SLC1A6: variants seen among roughly 807,000 people sequenced by gnomAD.
SLC1A6 encodes excitatory amino acid transporter 4.
SLC1A6 carries 15 observed loss-of-function variants against 42.1 expected under a neutral mutation model. The observed-to-expected ratio is 0.36, with a 90% CI of 0.24 to 0.55. The LOEUF is 0.55. Ranked by LOEUF, SLC1A6 falls within the 20% of genes least tolerant of loss-of-function variation. The pLI is 0.88. For missense variants in SLC1A6, 542 were observed against 772.5 expected, an observed-to-expected ratio of 0.70 and a Z score of 3.54; for synonymous variants, 317 against 319.7, an observed-to-expected ratio of 0.99 and a Z score of 0.09.
intron 7 of SLC1A6, 26 bp from the exon 8 acceptor site, chr19:14,954,355 G>C (rs1334229635): frequency 6.3e-7 from 1 of 1,598,224 alleles, no homozygotes; most frequent in Non-Finnish European, 8.5e-7. Context: ...CAGGACTGAG[G>C]ATGGGGCGTG....
intron 6 of SLC1A6, among the ~76,000 whole-genome samples, chr19:14,957,489 C>A (rs1272164065): frequency 1.3e-5 from 2 of 152,160 alleles, no homozygotes; most frequent in Non-Finnish European, 2.9e-5. Flanking sequence ...CTCCCTCCAC[C>A]CTTCTGTCAT....
intron 1 of SLC1A6, among the ~76,000 whole-genome samples, chr19:14,975,845 CAA>C (rs2045701141): frequency 1.8e-5 from 1 of 56,310 alleles, no homozygotes; most frequent in Non-Finnish European, 3.3e-5. Context: ...GGGAAGGGGA[CAA>C]AGGGAAGGGA....
At chr19:14,953,404 T>A (rs749548162) in intron 8 of SLC1A6, among the ~76,000 whole-genome samples, 5 of 151,700 alleles carry the variant, frequency 3.3e-5, no homozygotes, top group Non-Finnish European at 7.4e-5. Context: ...CACAGGCACA[T>A]GCCACAACGC....
At chr19:14,980,754 T>C (rs1047780339), upstream of SLC1A6, among the ~76,000 whole-genome samples, 1 of 151,962 alleles carries the variant, frequency 6.6e-6, no homozygotes, top group Non-Finnish European at 1.5e-5. Flanking sequence ...AGGCAGGCTC[T>C]TTTATTAATA....
chr19:14,954,114 G>T lies in SLC1A6; in HGVS notation c.1364+21C>A, dbSNP rs754213399. 23 of 1,571,838 alleles carry T rather than the reference G, an allele frequency of 1.5e-5. No individual in the cohort carries two copies. In the East Asian group the frequency reaches 5.2e-4, roughly 35 times the overall value. On this transcript the variant is annotated intron_variant, in intron 8 of 9. Transcript: ENST00000594383. Reference sequence around the variant, plus strand: ...CCGCTTAAGTCTCACCTGCTGGCAGGTCCTACCCAAGCCCCCTCACCTGAT... The same window carrying T: ...CCGCTTAAGTCTCACCTGCTGGCAGTTCCTACCCAAGCCCCCTCACCTGAT...
At chr19:14,960,121 TGGAA>T (rs112285844) in intron 6 of SLC1A6, among the ~76,000 whole-genome samples, 21 of 150,980 alleles carry the variant, frequency 1.4e-4, no homozygotes, top group South Asian at 4.2e-4. Context: ...GAAGGAATGA[TGGAA>T]GGAAGGAAGG....
At chr19:14,993,216 T>C (rs893947501) in intron 1 of SLC1A6, among the ~76,000 whole-genome samples, 5 of 152,132 alleles carry the variant, frequency 3.3e-5, no homozygotes, top group Non-Finnish European at 5.9e-5. Flanking sequence ...TATATTTATA[T>C]AAAATACCCA....
At chr19:14,964,146 AC>A (rs1568288138) in intron 5 of SLC1A6, 172 bp downstream of exon 5, 19 of 631,394 alleles carry the variant, frequency 3.0e-5, no homozygotes, top group South Asian at 7.8e-5. Context: ...CTTCTCCCTA[AC>A]CCCCCCAGAT....
intron 1 of SLC1A6, among the ~76,000 whole-genome samples, chr19:14,995,449 A>G (rs1305723344): frequency 1.3e-5 from 2 of 151,806 alleles, no homozygotes; most frequent in African/African-American, 4.8e-5. Flanking sequence ...GGTTGAGGAG[A>G]TGTTGGTCAA....
intron 3 of SLC1A6, among the ~76,000 whole-genome samples, chr19:14,971,192 C>T (rs569285279): frequency 6.6e-6 from 1 of 152,274 alleles, no homozygotes; most frequent in African/African-American, 2.4e-5. Context: ...GTGCCCCTAA[C>T]ACCCAAATTG....
At chr19:14,985,476 T>G (rs1384176034) in intron 1 of SLC1A6, among the ~76,000 whole-genome samples, 1 of 152,160 alleles carries the variant, frequency 6.6e-6, no homozygotes, top group Non-Finnish European at 1.5e-5. Flanking sequence ...ACCTCCTCCC[T>G]CTCTCTTTCT....
chr19:14,951,270 A>AG (rs1226347763), intron 9 of SLC1A6, among the ~76,000 whole-genome samples: 4,902 of 104,346 alleles, frequency 0.047, 185 homozygotes, highest in African/African-American at 0.095. Context: ...AAAAAAAAAA[A>AG]AAAAAAAAGA....
chr19:14,951,579 C>T (rs188268122), intron 9 of SLC1A6, among the ~76,000 whole-genome samples: 91 of 151,762 alleles, frequency 6.0e-4, no homozygotes, highest in Middle Eastern at 3.4e-3. Flanking sequence ...TGCAGTGGTG[C>T]GATCTCGGCT....
At chr19:14,951,253 CAAAAAAA>C (rs1164185118) in intron 9 of SLC1A6, among the ~76,000 whole-genome samples, 62 of 86,802 alleles carry the variant, frequency 7.1e-4, no homozygotes, top group African/African-American at 1.0e-3. Flanking sequence ...CTCTGTCTCA[CAAAAAAA>C]AAAAAAAAAA....
At position 14,950,094 on chromosome 19, in the gene SLC1A6, C is replaced by T. The variant is rs1037514609; in HGVS notation, c.*101G>A. The stretch of plus-strand genomic sequence containing the variant: ...TCCCCCCTAAATGAGTCAAGCAGAA[C>T]GTGTGTTCAGCCCACGGTCAGTTGG... On this transcript the variant is annotated 3_prime_UTR_variant, in exon 10 of 10. Coordinates refer to ENST00000594383, the MANE Select transcript of SLC1A6 (RefSeq NM_005071.3). The T allele has an allele frequency of 5.6e-5, 43 of 772,870 alleles. No homozygotes were observed. In the African/African-American group the frequency reaches 6.3e-4, roughly 11 times the overall value. 47.9% of individuals were successfully genotyped at this position (772,870 alleles called of 1,614,324 possible).
At chr19:14,955,723 C>T (rs1196835528) in intron 7 of SLC1A6, among the ~76,000 whole-genome samples, 1 of 151,968 alleles carries the variant, frequency 6.6e-6, no homozygotes, top group African/African-American at 2.4e-5. Context: ...TCACATGAGG[C>T]CAGGTGTTCG....
upstream of SLC1A6, among the ~76,000 whole-genome samples, chr19:14,984,689 C>T (rs1276618300): frequency 6.6e-6 from 1 of 152,142 alleles, no homozygotes; most frequent in African/African-American, 2.4e-5. Flanking sequence ...AAACCTCATG[C>T]ATTCGTCATT....
At chr19:14,967,233 G>T (rs1183928273) in intron 4 of SLC1A6, among the ~76,000 whole-genome samples, 1 of 152,160 alleles carries the variant, frequency 6.6e-6, no homozygotes, top group Non-Finnish European at 1.5e-5. Flanking sequence ...ACCACAAGTG[G>T]ATACTATGGG....
chr19:14,968,852 T>A (rs1600004072), intron 3 of SLC1A6, among the ~76,000 whole-genome samples: 1 of 27,732 alleles, frequency 3.6e-5, no homozygotes, highest in Admixed American at 4.3e-4. Context: ...AACCTAACTA[T>A]TTTTTTTTTG....
Sources: gnomAD v4.1 joint callset for allele counts (sites outside exome capture counted in the v4.1 genomes callset) on GRCh38, gnomAD v4.1.1 for gene constraint, MANE v1.5 for transcripts, NCBI Gene and HGNC (gene_info 2026-07-23, HGNC 2026-07-21) for gene names.